Variants in CCDC69 observed in about 807,000 individuals in gnomAD.
CCDC69 encodes coiled-coil domain-containing protein 69.
Under a neutral mutation model 40.3 loss-of-function variants are expected in CCDC69, and 38 were observed. The ratio of observed to expected loss-of-function variants is 0.94; its 90% CI spans 0.73 to 1.24. The LOEUF (loss-of-function observed/expected upper bound fraction) is 1.24. Ranked by LOEUF, CCDC69 falls within the 50% of genes most tolerant of loss-of-function variation. The probability of loss-of-function intolerance (pLI) is 0.00; values close to 1 mark genes in which losing one functional copy is unlikely to be tolerated. For synonymous variants in CCDC69, 141 were observed against 138.9 expected, an observed-to-expected ratio of 1.02 and a Z score of -0.11; for missense variants, 389 against 357.9, an observed-to-expected ratio of 1.09 and a Z score of -0.70.
intron 1 of CCDC69, among the ~76,000 whole-genome samples, chr5:151,215,999 C>T (rs1753032709): frequency 6.6e-6 from 1 of 152,238 alleles, no homozygotes; most frequent in Non-Finnish European, 1.5e-5. Context: ...TTTTCTGTCA[C>T]CCAGGCTGGA....
intron 2 of CCDC69, 75 bp from the exon 3 acceptor site, chr5:151,201,763 A>T: frequency 1.1e-6 from 1 of 936,604 alleles, no homozygotes; most frequent in Non-Finnish European, 1.6e-6. Context: ...TGGCAGAGAG[A>T]GTGTGGGAAA....
At chr5:151,221,139 T>A (rs1387812863) in intron 1 of CCDC69, among the ~76,000 whole-genome samples, 1 of 152,050 alleles carries the variant, frequency 6.6e-6, no homozygotes, top group East Asian at 1.9e-4. Context: ...GTCTAGAACA[T>A]CTAGTCGGCC....
intron 7 of CCDC69, 189 bp downstream of exon 7, chr5:151,185,233 T>C (rs1290893371): frequency 3.8e-5 from 22 of 572,466 alleles, no homozygotes; most frequent in East Asian, 1.3e-4. Flanking sequence ...ACTCAGATGA[T>C]AAGGAGCCAC....
intron 4 of CCDC69, among the ~76,000 whole-genome samples, chr5:151,194,070 G>A (rs1561599664): frequency 6.6e-6 from 1 of 152,226 alleles, no homozygotes; most frequent in Non-Finnish European, 1.5e-5. Flanking sequence ...GCAAGTATTG[G>A]CATGAAGTAG....
At position 151,203,235 on chromosome 5, in the gene CCDC69, C is replaced by T. The variant is rs112186163; in HGVS notation, c.125-1547G>A. ...TGCACAAAAGGAAATGTAGGCCAGGCGCGATGGCTCACACCTGTAATCCCA... is the reference window on the plus strand; with the variant it reads ...TGCACAAAAGGAAATGTAGGCCAGGTGCGATGGCTCACACCTGTAATCCCA... On this transcript the variant is annotated intron_variant, in intron 2 of 8. Transcript: ENST00000355417. Among the ~76,000 whole-genome samples, 5 of 152,034 alleles carry T rather than the reference C, an allele frequency of 3.3e-5. 1 individual carries two copies. Among genetic ancestry groups the T allele is most frequent in the South Asian group, 2.1e-4 (1 of 4,820 alleles).
intron 4 of CCDC69, among the ~76,000 whole-genome samples, chr5:151,198,289 T>C (rs868702881): frequency 7.3e-6 from 1 of 137,360 alleles, no homozygotes; most frequent in East Asian, 2.0e-4. Flanking sequence ...GAGAATGAGA[T>C]TGATCTATCT....
At chr5:151,191,259 A>G (rs1340300143) in intron 4 of CCDC69, among the ~76,000 whole-genome samples, 1 of 152,222 alleles carries the variant, frequency 6.6e-6, no homozygotes, top group African/African-American at 2.4e-5. Flanking sequence ...CTGAAAGGAG[A>G]CATAGACAAA....
At chr5:151,206,559 T>A (rs1258526362) in intron 1 of CCDC69, among the ~76,000 whole-genome samples, 3 of 152,360 alleles carry the variant, frequency 2.0e-5, no homozygotes, top group East Asian at 1.9e-4. Context: ...GAGTAATTTT[T>A]AAAAAATTTA....
At chr5:151,189,354 G>A (rs905607396) in intron 4 of CCDC69, among the ~76,000 whole-genome samples, 1 of 152,026 alleles carries the variant, frequency 6.6e-6, no homozygotes, top group Non-Finnish European at 1.5e-5. Context: ...AAACTCACTA[G>A]GTGAAATCAA....
chr5:151,224,043 C>G lies in CCDC69; in HGVS notation c.-73G>C. On this transcript the variant is annotated 5_prime_UTR_variant, in exon 1 of 9. Coordinates refer to ENST00000355417, the MANE Select transcript of CCDC69 (RefSeq NM_015621.3). ...AGAGGAGCCTGCGATCCGGGCCCCG[C>G]TGCCCGCTCCGCGCCCGCCGGCTGG... The G allele has an allele frequency of 7.4e-7, 1 of 1,346,784 alleles. No homozygotes were observed. The highest frequency in any genetic ancestry group is 1.0e-6 in the Non-Finnish European group (1 of 1,001,686). The allele number at this position is 1,346,784 out of a possible 1,614,324, so 83.4% of individuals were successfully genotyped here. A position where few individuals can be genotyped will look rare whatever the true frequency, so the allele number is the denominator to read the frequency against.
Position 151,188,929 on chromosome 5 carries a change from A to G in CCDC69, c.320-1470T>C, listed in dbSNP as rs188490608. ...GCAGCAGACTGAGCAAGAAGACCAG[A>G]ATTTGAAGTACCACTGACCCAACAG... On this transcript the variant is annotated intron_variant, in intron 4 of 8. Transcript: ENST00000355417. Among the ~76,000 whole-genome samples the G allele has an allele frequency of 3.3e-3, 499 of 152,292 alleles. 2 individuals carry two copies. Among genetic ancestry groups the G allele is most frequent in the African/African-American group, 0.01 (430 of 41,566 alleles).
chr5:151,205,985 C>A (rs532689815), intron 1 of CCDC69, among the ~76,000 whole-genome samples: 57 of 152,302 alleles, frequency 3.7e-4, no homozygotes, highest in African/African-American at 1.3e-3. Context: ...GGGCTCTCCC[C>A]ATCAGTGCTG....
At chr5:151,211,228 C>G (rs950331348) in intron 1 of CCDC69, 6 of 152,270 alleles carry the variant, frequency 3.9e-5, no homozygotes, top group African/African-American at 1.4e-4. Flanking sequence ...TCTCTCCTGA[C>G]CTGCCCTGGG....
intron 4 of CCDC69, among the ~76,000 whole-genome samples, chr5:151,197,906 T>C (rs779676467): frequency 6.6e-6 from 1 of 152,180 alleles, no homozygotes; most frequent in Non-Finnish European, 1.5e-5. Flanking sequence ...ACTCTTGGTA[T>C]AGAAGAGTTT....
intron 1 of CCDC69, among the ~76,000 whole-genome samples, chr5:151,213,803 G>A (rs538393492): frequency 2.0e-5 from 3 of 152,306 alleles, no homozygotes; most frequent in African/African-American, 7.2e-5. Flanking sequence ...CATTGTTCCT[G>A]CTTAACTTAG....
Position 151,185,449 on chromosome 5 carries a change from G to GTT in CCDC69, c.587_588insAA (p.Asp196GlufsTer5). 1 of 1,614,066 alleles carries GTT rather than the reference G, an allele frequency of 6.2e-7. No individual in the cohort carries two copies. Among genetic ancestry groups the GTT allele is most frequent in the Non-Finnish European group, 8.5e-7 (1 of 1,179,928 alleles). On this transcript the variant is annotated frameshift_variant, in exon 7 of 9. Coordinates refer to ENST00000355417, the MANE Select transcript of CCDC69 (RefSeq NM_015621.3). LOFTEE classifies it high-confidence loss of function. ...CTGTTTCCATGAGGATCAGCCGCCT[G>GTT]TCCAGCTCATGAATACGCTCATTCT...
chr5:151,201,648 C>T lies in CCDC69; in HGVS notation c.165G>A (p.Arg55=). Reference sequence around the variant, plus strand: ...GAATTCTGGTTATATCCTTCTGGTGCCGCTCAGCCTCCTCTGATGCACAGA... The same window carrying T: ...GAATTCTGGTTATATCCTTCTGGTGTCGCTCAGCCTCCTCTGATGCACAGA... ...VQLCASEEAE[R]HQKDITRILQ... Residue 55 remains arginine, a synonymous_variant, in exon 3 of 9, where the codon CGG becomes CGA. Transcript: ENST00000355417. The T allele has an allele frequency of 6.2e-7, 1 of 1,613,594 alleles. No individual in the cohort carries two copies. Among genetic ancestry groups the T allele is most frequent in the Non-Finnish European group, 8.5e-7 (1 of 1,179,758 alleles).
chr5:151,223,904 C>T lies in CCDC69; in HGVS notation c.48+19G>A. On this transcript the variant is annotated intron_variant, in intron 1 of 8. Coordinates refer to ENST00000355417, the MANE Select transcript of CCDC69 (RefSeq NM_015621.3). ...TCCCCTCTCCTCTGAAAGCAAACTT[C>T]TCCGCCGGCGCCCTTTACCTTTTTC... is the stretch of plus-strand genomic sequence containing the variant. 6.3e-7 allele frequency: 1 copy of T among 1,589,774 alleles called. No individual in the cohort carries two copies. Among genetic ancestry groups the T allele is most frequent in the Non-Finnish European group, 8.5e-7 (1 of 1,169,738 alleles).
chr5:151,222,534 C>T (rs1466095231), intron 1 of CCDC69, among the ~76,000 whole-genome samples: 1 of 152,224 alleles, frequency 6.6e-6, no homozygotes, highest in Non-Finnish European at 1.5e-5. Flanking sequence ...GCTCATCACT[C>T]CCCATACAGG....
Sources: gnomAD v4.1 joint callset for allele counts (sites outside exome capture counted in the v4.1 genomes callset) on GRCh38, gnomAD v4.1.1 for gene constraint, MANE v1.5 for transcripts, NCBI Gene and HGNC (gene_info 2026-07-23, HGNC 2026-07-21) for gene names.